TAS2R1: variants seen among roughly 807,000 people sequenced by gnomAD.
The protein encoded by TAS2R1 is taste receptor type 2 member 1.
For missense variants in TAS2R1, 370 were observed against 353.4 expected (o/e 1.05, Z -0.38); for synonymous variants, 141 against 134.2 (o/e 1.05, Z -0.35).
the TAS2R1 span, among the ~76,000 whole-genome samples, chr5:9,876,072 C>T: frequency 6.6e-6 from 1 of 152,152 alleles, no homozygotes; most frequent in South Asian, 2.1e-4. Flanking sequence ...AGAGTGGTGT[C>T]CTCTCCTAGC....
the TAS2R1 span, among the ~76,000 whole-genome samples, chr5:9,741,370 A>G: frequency 3.9e-4 from 60 of 152,320 alleles, no homozygotes; most frequent in East Asian, 7.2e-3. Context: ...CTCTTGCTTT[A>G]GTAAATTTTC....
the TAS2R1 span, among the ~76,000 whole-genome samples, chr5:9,829,291 A>G: frequency 6.6e-6 from 1 of 152,230 alleles, no homozygotes; most frequent in Non-Finnish European, 1.5e-5. Flanking sequence ...AATCATACAC[A>G]GACCTAATAA....
At chr5:9,667,255 A>T (rs1235646166) in intron 1 of TAS2R1, among the ~76,000 whole-genome samples, 2 of 152,198 alleles carry the variant, frequency 1.3e-5, no homozygotes, top group African/African-American at 4.8e-5. Flanking sequence ...AAACACCCTG[A>T]TGGCAGGGTG....
At chr5:9,838,815 A>G in the TAS2R1 span, among the ~76,000 whole-genome samples, 3 of 152,214 alleles carry the variant, frequency 2.0e-5, no homozygotes, top group African/African-American at 7.2e-5. Flanking sequence ...GTCATCTTCA[A>G]CGCTGGAAAT....
At chr5:9,771,172 A>G in the TAS2R1 span, among the ~76,000 whole-genome samples, 1 of 152,094 alleles carries the variant, frequency 6.6e-6, no homozygotes, top group African/African-American at 2.4e-5. Context: ...TTTATTCTTC[A>G]TTCTGTTGAT....
At chr5:9,837,261 G>A in the TAS2R1 span, among the ~76,000 whole-genome samples, 2 of 152,172 alleles carry the variant, frequency 1.3e-5, no homozygotes, top group African/African-American at 2.4e-5. Context: ...GGAGACCCCC[G>A]CATCCTGAAG....
At chr5:9,871,126 C>T in the TAS2R1 span, among the ~76,000 whole-genome samples, 3 of 152,008 alleles carry the variant, frequency 2.0e-5, no homozygotes. Context: ...AAGACAAGAA[C>T]CAAGGTCAGT....
At chr5:9,685,475 T>C (rs1026748929) in intron 1 of TAS2R1, among the ~76,000 whole-genome samples, 1 of 152,172 alleles carries the variant, frequency 6.6e-6, no homozygotes, top group African/African-American at 2.4e-5. Context: ...TCACATATTA[T>C]GTTATATTGT....
the TAS2R1 span, among the ~76,000 whole-genome samples, chr5:9,773,767 C>T: frequency 6.6e-6 from 1 of 152,156 alleles, no homozygotes; most frequent in Non-Finnish European, 1.5e-5. Flanking sequence ...TGTATGATTT[C>T]CACTAGAAAG....
intron 2 of TAS2R1, among the ~76,000 whole-genome samples, chr5:9,640,510 A>ACAAAC (rs922790542): frequency 6.6e-6 from 1 of 150,548 alleles, no homozygotes; most frequent in African/African-American, 2.4e-5. Flanking sequence ...AAAAAAAAAA[A>ACAAAC]AAAAAAAAAA....
At chr5:9,670,976 G>A (rs1411953665) in intron 1 of TAS2R1, among the ~76,000 whole-genome samples, 1 of 152,136 alleles carries the variant, frequency 6.6e-6, no homozygotes, top group African/African-American at 2.4e-5. Context: ...GGGGTGCAAG[G>A]TTGGTTCAAC....
chr5:9,659,568 C>G (rs147675700), exon 2 of TAS2R1: 1 of 151,536 alleles, frequency 6.6e-6, no homozygotes, highest in African/African-American at 2.4e-5. Flanking sequence ...CACTTAGCTC[C>G]CCAGTCAGGT....
chr5:9,789,108 C>G, the TAS2R1 span, among the ~76,000 whole-genome samples: 5 of 152,098 alleles, frequency 3.3e-5, no homozygotes, highest in African/African-American at 9.7e-5. Flanking sequence ...ATGCCTACCC[C>G]CAAGTAACTT....
the TAS2R1 span, among the ~76,000 whole-genome samples, chr5:9,785,561 G>A: frequency 6.6e-6 from 1 of 152,296 alleles, no homozygotes; most frequent in South Asian, 2.1e-4. Flanking sequence ...TGTTTGAATT[G>A]AAGCTGAAAC....
intron 2 of TAS2R1, chr5:9,641,390 G>A (rs769844525): frequency 2.0e-5 from 3 of 152,158 alleles, no homozygotes; most frequent in Non-Finnish European, 2.9e-5. Flanking sequence ...AATTCATAAG[G>A]CTTGTGCTAC....
intron 1 of TAS2R1, among the ~76,000 whole-genome samples, chr5:9,680,419 G>T (rs1163234193): frequency 6.6e-6 from 1 of 151,930 alleles, no homozygotes; most frequent in African/African-American, 2.4e-5. Context: ...CTGCAGTGTC[G>T]AAAGGAAGAA....
the TAS2R1 span, chr5:9,902,512 C>CCA: frequency 6.6e-6 from 1 of 152,050 alleles, no homozygotes; most frequent in African/African-American, 2.4e-5. Context: ...AGTCACCACT[C>CCA]CACCTTAACA....
chr5:9,692,709 A>G (rs1407701788), intron 1 of TAS2R1, among the ~76,000 whole-genome samples: 1 of 152,192 alleles, frequency 6.6e-6, no homozygotes, highest in Non-Finnish European at 1.5e-5. Context: ...CTGCAGGCCT[A>G]AAAGAGCCAG....
chr5:9,820,352 T>C, the TAS2R1 span, among the ~76,000 whole-genome samples: 12 of 152,224 alleles, frequency 7.9e-5, no homozygotes, highest in Non-Finnish European at 2.9e-5. Flanking sequence ...CTATCTCTGC[T>C]TTGAGCCTAT....
Sources: allele counts gnomAD v4.1 joint callset (sites outside exome capture counted in the v4.1 genomes callset), GRCh38; gene constraint gnomAD v4.1.1; transcripts MANE v1.5; gene names NCBI Gene and HGNC (gene_info 2026-07-23, HGNC 2026-07-21).